KCNK2: variants seen among roughly 807,000 people sequenced by gnomAD.
The protein encoded by KCNK2 is potassium channel subfamily K member 2.
A neutral mutation model predicts 40.5 loss-of-function variants in KCNK2; 21 were observed. The ratio of observed to expected loss-of-function variants is 0.52; its 90% confidence interval spans 0.37 to 0.75. The LOEUF (loss-of-function observed/expected upper bound fraction) is 0.75. Ranked by LOEUF, KCNK2 falls within the 30% of genes least tolerant of loss-of-function variation. KCNK2 has a pLI of 0.00. For synonymous variants in KCNK2, 191 were observed against 202.2 expected (o/e 0.94, Z 0.47); for missense variants, 399 against 531.6 (o/e 0.75, Z 2.45).
intron 3 of KCNK2, among the ~76,000 whole-genome samples, chr1:215,165,910 G>T (rs1663422948): frequency 6.6e-6 from 1 of 152,150 alleles, no homozygotes; most frequent in Non-Finnish European, 1.5e-5. Flanking sequence ...TCCAGGAATG[G>T]CTATAATATA....
chr1:215,110,439 A>G (rs1660633820), intron 2 of KCNK2, among the ~76,000 whole-genome samples: 1 of 151,974 alleles, frequency 6.6e-6, no homozygotes, highest in African/African-American at 2.4e-5. Context: ...GTGTATATCA[A>G]ATTTTCTCAA....
intron 6 of KCNK2, among the ~76,000 whole-genome samples, chr1:215,208,110 T>A (rs1350160476): frequency 6.6e-6 from 1 of 152,026 alleles, no homozygotes; most frequent in African/African-American, 2.4e-5. Flanking sequence ...AGCAAAGACA[T>A]GGAATCAATG....
At chr1:215,099,039 T>C (rs570144038) in intron 2 of KCNK2, among the ~76,000 whole-genome samples, 228 of 152,096 alleles carry the variant, frequency 1.5e-3, no homozygotes, top group African/African-American at 5.2e-3. Flanking sequence ...TTAAGCTCAG[T>C]GGTACATGTG....
At chr1:215,093,885 T>G (rs1205365147) in intron 2 of KCNK2, among the ~76,000 whole-genome samples, 1 of 87,840 alleles carries the variant, frequency 1.1e-5, no homozygotes, top group Non-Finnish European at 2.3e-5. Flanking sequence ...ATATTATATA[T>G]TATATATAAA....
chr1:215,083,302 TAAG>T lies in KCNK2; in HGVS notation c.-80_-78del, dbSNP rs747364165. The T allele has an allele frequency of 2.4e-5, 37 of 1,535,022 alleles. No homozygotes were observed. The East Asian group carries it at 9.5e-4, about 39-fold the overall frequency. On this transcript the variant is annotated 5_prime_UTR_variant, in exon 1 of 7. Coordinates refer to ENST00000444842, the MANE Select transcript of KCNK2 (RefSeq NM_001017425.3). ...TCGGAGCGCGCAGCCCGTCTCTGAA[TAAG>T]AAGTGAGTACAATGGCGTGTTTGTA... is the stretch of plus-strand genomic sequence containing the variant.
intron 1 of KCNK2, among the ~76,000 whole-genome samples, chr1:215,025,841 G>T (rs79395946): frequency 0.02 from 3,082 of 152,102 alleles, 94 homozygotes; most frequent in African/African-American, 0.07. Flanking sequence ...TTATTTACTG[G>T]CAGCTGTATT....
chr1:215,083,456 C>G, intron 1 of KCNK2, 25 bp downstream of exon 1: 4 of 1,554,466 alleles, frequency 2.6e-6, no homozygotes, highest in South Asian at 1.1e-5. Flanking sequence ...CCGGTACCCC[C>G]ACCCCTCTGG....
intron 2 of KCNK2, among the ~76,000 whole-genome samples, chr1:215,113,112 A>G (rs1340766505): frequency 1.3e-5 from 2 of 152,204 alleles, no homozygotes; most frequent in Non-Finnish European, 2.9e-5. Flanking sequence ...TATGCGACAT[A>G]AACATATAAG....
At position 215,235,363 on chromosome 1, in the gene KCNK2, G is replaced by A; in HGVS notation, c.*218G>A. The stretch of plus-strand genomic sequence containing the variant: ...TTGAACGGTCCACTTTCTTTGATGA[G>A]TGGAATGACAAGCAATGTCTGATGC... On this transcript the variant is annotated 3_prime_UTR_variant, in exon 7 of 7. Transcript: ENST00000444842. 3 of 486,862 alleles carry A rather than the reference G, an allele frequency of 6.2e-6. No individual in the cohort carries two copies. The highest frequency in any genetic ancestry group is 3.5e-5 in the Admixed American group (1 of 28,642). The allele number at this position is 486,862 out of a possible 1,614,324, so 30.2% of individuals were successfully genotyped here. A position where few individuals can be genotyped will look rare whatever the true frequency, so the allele number is the denominator to read the frequency against.
In KCNK2 at chr1:215,062,338, G is replaced by A. The variant is rs548711272; in HGVS notation, c.35-24030G>A. 2.0e-5 allele frequency among the ~76,000 whole-genome samples: 3 copies of A among 152,088 alleles called. No homozygotes were observed. The East Asian group carries it at 5.9e-4, about 30-fold the overall frequency. ...TTTTTTGTTTTACTGTACTACTTTGGATCAGTTTAAACCATTTCAGATATG... is the reference window on the plus strand; with the variant it reads ...TTTTTTGTTTTACTGTACTACTTTGAATCAGTTTAAACCATTTCAGATATG... On this transcript the variant is annotated intron_variant, in intron 1 of 6. Coordinates refer to the KCNK2 transcript ENST00000391895.
At chr1:215,007,183 GGGTATATATATATATA>G (rs1462283649) in intron 1 of KCNK2, among the ~76,000 whole-genome samples, 65 of 83,614 alleles carry the variant, frequency 7.8e-4, no homozygotes, top group South Asian at 7.6e-3. Context: ...GTATGTGTGT[GGGTATATATATATATA>G]TATATATATA....
upstream of KCNK2, chr1:215,005,791 A>AAGGAAACAGTATGGG: frequency 1.3e-6 from 1 of 783,506 alleles, no homozygotes; most frequent in South Asian, 1.5e-5. Flanking sequence ...CACACACAAA[A>AAGGAAACAGTATGGG]AGGAAACAGT....
intron 2 of KCNK2, among the ~76,000 whole-genome samples, chr1:215,111,880 G>C (rs886938090): frequency 3.6e-5 from 5 of 138,594 alleles, no homozygotes; most frequent in Admixed American, 7.0e-5. Flanking sequence ...ATTCATGTGG[G>C]GAAATACCTA....
chr1:215,150,114 T>G (rs989549106), intron 3 of KCNK2, among the ~76,000 whole-genome samples: 1 of 152,156 alleles, frequency 6.6e-6, no homozygotes, highest in Admixed American at 6.5e-5. Context: ...GGGGTTCAGA[T>G]CCAGTCTTGG....
At chr1:215,207,447 C>T (rs2102680367) in intron 6 of KCNK2, among the ~76,000 whole-genome samples, 1 of 152,294 alleles carries the variant, frequency 6.6e-6, no homozygotes, top group Non-Finnish European at 1.5e-5. Flanking sequence ...GAAACCGGCC[C>T]CTGGTGCCAA....
chr1:215,195,653 A>G (rs951866777), intron 6 of KCNK2, among the ~76,000 whole-genome samples: 3 of 152,200 alleles, frequency 2.0e-5, no homozygotes, highest in Non-Finnish European at 2.9e-5. Context: ...TATCTTATAC[A>G]ACTAAACATA....
In KCNK2 at chr1:215,236,432, T is replaced by A. The variant is rs1025525811; in HGVS notation, c.*1287T>A. ...GTTGGGATCACTGTGACTTTGCACA[T>A]GGAAAAATGCAGATTGCAGGCATAA... On this transcript the variant is annotated 3_prime_UTR_variant, in exon 7 of 7. Coordinates refer to ENST00000444842, the MANE Select transcript of KCNK2 (RefSeq NM_001017425.3). The A allele has an allele frequency of 1.3e-5, 2 of 152,560 alleles. No individual in the cohort carries two copies. The highest frequency in any genetic ancestry group is 4.8e-5 in the African/African-American group (2 of 41,414). The allele number at this position is 152,560 out of a possible 1,614,324, so 9.5% of individuals were successfully genotyped here.
At chr1:215,077,431 T>C (rs901964766) in intron 1 of KCNK2, among the ~76,000 whole-genome samples, 1 of 152,114 alleles carries the variant, frequency 6.6e-6, no homozygotes, top group Non-Finnish European at 1.5e-5. Context: ...CTCCCAACAA[T>C]ATCACTATGA....
intron 2 of KCNK2, among the ~76,000 whole-genome samples, chr1:215,110,782 A>G (rs1660649666): frequency 1.3e-5 from 2 of 152,060 alleles, no homozygotes; most frequent in South Asian, 4.1e-4. Context: ...TCCATCATCA[A>G]CATCCTTCAT....
Sources: allele counts gnomAD v4.1 joint callset (sites outside exome capture counted in the v4.1 genomes callset), GRCh38; gene constraint gnomAD v4.1.1; transcripts MANE v1.5; gene names NCBI Gene and HGNC (gene_info 2026-07-23, HGNC 2026-07-21).